VAV3: variants seen among roughly 807,000 people sequenced by gnomAD.
VAV3 encodes the protein guanine nucleotide exchange factor VAV3.
Under a neutral mutation model 131.2 loss-of-function variants are expected in VAV3, and 94 were observed. That is an observed-to-expected ratio of 0.72 (90% CI 0.61 to 0.85). The LOEUF (loss-of-function observed/expected upper bound fraction) is 0.85. Ranked by LOEUF, VAV3 falls within the 40% of genes least tolerant of loss-of-function variation. The pLI is 0.00. For synonymous variants in VAV3, 349 were observed against 342.0 expected (o/e 1.02, Z -0.22); for missense variants, 939 against 1,002.7 (o/e 0.94, Z 0.86).
At chr1:107,776,534 G>A (rs182543824) in intron 4 of VAV3, among the ~76,000 whole-genome samples, 8 of 152,280 alleles carry the variant, frequency 5.3e-5, no homozygotes, top group Non-Finnish European at 1.0e-4. Context: ...AGGTCACAAG[G>A]CTAAAACAAG....
At chr1:107,956,434 GT>G (rs1017165041) in intron 1 of VAV3, among the ~76,000 whole-genome samples, 1 of 152,074 alleles carries the variant, frequency 6.6e-6, no homozygotes, top group Admixed American at 6.6e-5. Flanking sequence ...AGCTATTAAT[GT>G]TTAACATACT....
intron 11 of VAV3, 29 bp downstream of exon 11, chr1:107,757,232 C>T (rs1553202030): frequency 6.3e-7 from 1 of 1,593,324 alleles, no homozygotes. Flanking sequence ...ATAAAAAATA[C>T]AAACAAATTA....
chr1:107,634,982 G>C (rs1270695266), intron 20 of VAV3, among the ~76,000 whole-genome samples: 4 of 151,722 alleles, frequency 2.6e-5, no homozygotes, highest in Non-Finnish European at 4.4e-5. Flanking sequence ...AGGTGCTGGA[G>C]AGGATGTGGA....
intron 21 of VAV3, 95 bp downstream of exon 21, chr1:107,617,472 C>A: frequency 1.1e-6 from 1 of 946,106 alleles, no homozygotes; most frequent in Non-Finnish European, 1.6e-6. Flanking sequence ...AAATTAATAA[C>A]TGACCTGGCC....
chr1:107,849,699 G>A (rs1669132078), intron 2 of VAV3, among the ~76,000 whole-genome samples: 1 of 152,128 alleles, frequency 6.6e-6, no homozygotes, highest in Admixed American at 6.5e-5. Flanking sequence ...AAAAGCAATG[G>A]CAACAAAAGA....
intron 19 of VAV3, among the ~76,000 whole-genome samples, chr1:107,680,729 G>A (rs913284883): frequency 5.3e-5 from 8 of 152,074 alleles, no homozygotes; most frequent in East Asian, 3.9e-4. Flanking sequence ...ATTAGCTCAC[G>A]TAATGCTCAC....
chr1:107,609,135 G>C (rs1315973619), intron 22 of VAV3, among the ~76,000 whole-genome samples: 1 of 152,050 alleles, frequency 6.6e-6, no homozygotes, highest in Non-Finnish European at 1.5e-5. Context: ...TTATATAAAT[G>C]TTGAAGAAAT....
intron 7 of VAV3, among the ~76,000 whole-genome samples, chr1:107,768,169 C>A (rs1664839369): frequency 6.6e-6 from 1 of 152,138 alleles, no homozygotes; most frequent in South Asian, 2.1e-4. Context: ...TTGAGACTAC[C>A]TCTTCATGAC....
At chr1:107,844,987 C>T (rs1668898799) in intron 2 of VAV3, among the ~76,000 whole-genome samples, 2 of 152,322 alleles carry the variant, frequency 1.3e-5, no homozygotes, top group South Asian at 4.2e-4. Context: ...AAGTGGGTCC[C>T]TGACCCCTGT....
intron 13 of VAV3, among the ~76,000 whole-genome samples, chr1:107,750,586 C>T (rs1326556469): frequency 1.3e-5 from 2 of 152,162 alleles, no homozygotes; most frequent in Non-Finnish European, 2.9e-5. Context: ...CTGGCTTTCG[C>T]TTCTCCAAAG....
At chr1:107,768,062 T>C (rs370145912) in intron 7 of VAV3, among the ~76,000 whole-genome samples, 1 of 152,152 alleles carries the variant, frequency 6.6e-6, no homozygotes, top group East Asian at 1.9e-4. Context: ...GAAACTGATA[T>C]GGTGAGGACA....
At chr1:107,899,020 T>C (rs17020294) in intron 1 of VAV3, among the ~76,000 whole-genome samples, 32,010 of 152,002 alleles carry the variant, frequency 0.21, 3,679 homozygotes, top group East Asian at 0.36. Context: ...TACTATACAT[T>C]AGAAAAACAA....
chr1:107,735,727 C>T (rs2101990907), intron 15 of VAV3, among the ~76,000 whole-genome samples: 1 of 152,128 alleles, frequency 6.6e-6, no homozygotes, highest in South Asian at 2.1e-4. Flanking sequence ...AGCCTAACAA[C>T]CAAAAAAAGT....
At chr1:107,575,470 G>A (rs1166698599) in intron 25 of VAV3, among the ~76,000 whole-genome samples, 4 of 152,222 alleles carry the variant, frequency 2.6e-5, no homozygotes, top group African/African-American at 7.2e-5. Context: ...TGTCCATCAC[G>A]AAATAAATGA....
At chr1:107,752,716 T>C (rs1285282847) in intron 12 of VAV3, among the ~76,000 whole-genome samples, 1 of 152,170 alleles carries the variant, frequency 6.6e-6, no homozygotes, top group African/African-American at 2.4e-5. Context: ...ACATCATTAG[T>C]CATTAAGAAA....
chr1:107,591,128 AC>A (rs1354928385), intron 25 of VAV3, among the ~76,000 whole-genome samples: 1 of 152,054 alleles, frequency 6.6e-6, no homozygotes, highest in East Asian at 1.9e-4. Flanking sequence ...CCTATTGGCC[AC>A]CACCCCACAC....
intron 2 of VAV3, among the ~76,000 whole-genome samples, chr1:107,836,242 C>T (rs1459454661): frequency 1.3e-5 from 2 of 152,154 alleles, no homozygotes; most frequent in Non-Finnish European, 2.9e-5. Context: ...TTCTCATCTA[C>T]ACACAAAACA....
At chr1:107,751,021 T>C (rs1325251058) in intron 13 of VAV3, 96 bp downstream of exon 13, 2 of 1,186,918 alleles carry the variant, frequency 1.7e-6, no homozygotes, top group East Asian at 5.1e-5. Flanking sequence ...TCTTCCTTTT[T>C]TCCCCCTACT....
chr1:107,624,233 A>T (rs1177648051), intron 20 of VAV3, among the ~76,000 whole-genome samples: 1 of 152,134 alleles, frequency 6.6e-6, no homozygotes, highest in Non-Finnish European at 1.5e-5. Context: ...TTCTCCTGTT[A>T]CTCAAAAATG....
Sources: allele counts gnomAD v4.1 joint callset (sites outside exome capture counted in the v4.1 genomes callset), GRCh38; gene constraint gnomAD v4.1.1; transcripts MANE v1.5; gene names NCBI Gene and HGNC (gene_info 2026-07-23, HGNC 2026-07-21).